Variants in ITGA8 observed in about 807,000 individuals in gnomAD.
ITGA8 encodes the protein integrin subunit alpha 8, also known as integrin alpha-8.
A neutral mutation model predicts 142.3 loss-of-function variants in ITGA8; 91 were observed. The ratio of observed to expected loss-of-function variants is 0.64; its 90% CI spans 0.54 to 0.76. The LOEUF (loss-of-function observed/expected upper bound fraction) is 0.76. Ranked by LOEUF, ITGA8 falls within the 30% of genes least tolerant of loss-of-function variation. ITGA8 has a pLI of 0.00. For synonymous variants in ITGA8, 505 were observed against 485.2 expected, an observed-to-expected ratio of 1.04 and a Z score of -0.54; for missense variants, 1,406 against 1,327.7, an observed-to-expected ratio of 1.06 and a Z score of -0.92.
chr10:15,671,121 A>G (rs1834507484), intron 8 of ITGA8, among the ~76,000 whole-genome samples: 2 of 152,238 alleles, frequency 1.3e-5, no homozygotes, highest in Non-Finnish European at 2.9e-5. Flanking sequence ...AGAAGACAGG[A>G]CAGAAGGGAT....
intron 10 of ITGA8, among the ~76,000 whole-genome samples, 185 bp from the exon 11 acceptor site, chr10:15,655,591 T>C (rs992280466): frequency 3.3e-5 from 5 of 152,168 alleles, no homozygotes; most frequent in Non-Finnish European, 5.9e-5. Context: ...TGAATAATTT[T>C]CCCCATAATA....
At chr10:15,707,834 A>G (rs1835288150) in intron 2 of ITGA8, among the ~76,000 whole-genome samples, 1 of 151,798 alleles carries the variant, frequency 6.6e-6, no homozygotes, top group African/African-American at 2.4e-5. Flanking sequence ...AAAAAAAAAA[A>G]AGGAAAGAAA....
intron 13 of ITGA8, among the ~76,000 whole-genome samples, chr10:15,623,362 T>A (rs1833527673): frequency 6.6e-6 from 1 of 152,064 alleles, no homozygotes; most frequent in Non-Finnish European, 1.5e-5. Flanking sequence ...CTACATGCTG[T>A]TTTTATTCTC....
intron 26 of ITGA8, among the ~76,000 whole-genome samples, chr10:15,553,392 G>C (rs1398336258): frequency 6.7e-6 from 1 of 149,644 alleles, no homozygotes; most frequent in African/African-American, 2.5e-5. Flanking sequence ...AACTGATTGA[G>C]ATTTGCTCAT....
chr10:15,571,507 A>G (rs1564357045), intron 25 of ITGA8, among the ~76,000 whole-genome samples: 1 of 152,258 alleles, frequency 6.6e-6, no homozygotes, highest in East Asian at 1.9e-4. Flanking sequence ...ACAGAAAAAC[A>G]TGAAAGCCAA....
chr10:15,671,522 C>T (rs1834518013), intron 8 of ITGA8, 81 bp downstream of exon 8: 22 of 1,151,468 alleles, frequency 1.9e-5, no homozygotes, highest in Admixed American at 8.7e-5. Flanking sequence ...AATAAAATCA[C>T]ATTGATAGAA....
chr10:15,638,194 T>C (rs1388863905), intron 13 of ITGA8, among the ~76,000 whole-genome samples: 1 of 152,186 alleles, frequency 6.6e-6, no homozygotes, highest in Non-Finnish European at 1.5e-5. Flanking sequence ...AATGAATAAA[T>C]ATAAACCAAA....
intron 25 of ITGA8, among the ~76,000 whole-genome samples, chr10:15,564,141 T>G (rs1834032964): frequency 6.6e-6 from 1 of 152,182 alleles, no homozygotes; most frequent in African/African-American, 2.4e-5. Flanking sequence ...CTCTTTCTTT[T>G]GTGACACAGT....
chr10:15,675,316 G>A (rs937615041), intron 6 of ITGA8, among the ~76,000 whole-genome samples: 6 of 152,108 alleles, frequency 3.9e-5, no homozygotes, highest in African/African-American at 1.4e-4. Context: ...CTCTTCCAGT[G>A]TTCTGTATCT....
At chr10:15,558,892 A>T (rs1184381894) in intron 25 of ITGA8, among the ~76,000 whole-genome samples, 2 of 152,188 alleles carry the variant, frequency 1.3e-5, no homozygotes, top group African/African-American at 4.8e-5. Flanking sequence ...GAGAATTCCA[A>T]TAAATCACAC....
At chr10:15,591,576 T>A (rs188080597) in intron 22 of ITGA8, among the ~76,000 whole-genome samples, 2 of 152,072 alleles carry the variant, frequency 1.3e-5, no homozygotes, top group Non-Finnish European at 2.9e-5. Context: ...ACTACTTTCT[T>A]CAGGTCTTCC....
chr10:15,698,590 T>A (rs1026288931), intron 2 of ITGA8, among the ~76,000 whole-genome samples: 1 of 152,240 alleles, frequency 6.6e-6, no homozygotes, highest in Non-Finnish European at 1.5e-5. Flanking sequence ...TAAAATTTTT[T>A]AATTATAGCC....
At chr10:15,662,248 T>G (rs1315952051) in intron 8 of ITGA8, among the ~76,000 whole-genome samples, 1 of 146,604 alleles carries the variant, frequency 6.8e-6, no homozygotes, top group Non-Finnish European at 1.5e-5. Flanking sequence ...GTCACTCAAC[T>G]ACAAAAAATA....
chr10:15,621,641 G>C (rs550957092), intron 13 of ITGA8, among the ~76,000 whole-genome samples: 3 of 152,098 alleles, frequency 2.0e-5, no homozygotes, highest in Non-Finnish European at 4.4e-5. Flanking sequence ...TGAAGGGAGG[G>C]AGAGTGAACC....
intron 13 of ITGA8, among the ~76,000 whole-genome samples, chr10:15,617,823 C>G (rs1433635456): frequency 2.6e-5 from 4 of 152,148 alleles, no homozygotes; most frequent in Admixed American, 6.6e-5. Context: ...TCCATGGAAC[C>G]AACCTAAGTG....
chr10:15,598,455 C>A (rs867590063), intron 20 of ITGA8, among the ~76,000 whole-genome samples: 6 of 151,944 alleles, frequency 3.9e-5, no homozygotes, highest in Non-Finnish European at 1.5e-5. Context: ...AAGCCCAAAC[C>A]GAAAACCCAA....
intron 23 of ITGA8, among the ~76,000 whole-genome samples, chr10:15,583,701 C>T (rs192430123): frequency 1.1e-3 from 165 of 151,856 alleles, no homozygotes; most frequent in African/African-American, 1.8e-3. Flanking sequence ...GCCAGGGTCT[C>T]GGGGTGGGGA....
chr10:15,522,256 T>C (rs982770058), intron 28 of ITGA8, among the ~76,000 whole-genome samples: 2 of 152,248 alleles, frequency 1.3e-5, no homozygotes, highest in Non-Finnish European at 2.9e-5. Flanking sequence ...TATTTGCATG[T>C]ATACAGCTAC....
rs1010280945 is a variant in ITGA8 at position 15,516,366 on chromosome 10, A to G, written c.*792T>C. 2 of 152,236 alleles carry G rather than the reference A, an allele frequency of 1.3e-5. No individual in the cohort carries two copies. Among genetic ancestry groups the G allele is most frequent in the Non-Finnish European group, 2.9e-5 (2 of 68,034 alleles). 9.4% of individuals were successfully genotyped at this position (152,236 alleles called of 1,614,324 possible). Reference sequence around the variant, plus strand: ...AATTTCAGATGGAAGGCAGCAAGGTATTAAATAGAACTGATTCCTAATGCC... The same window carrying G: ...AATTTCAGATGGAAGGCAGCAAGGTGTTAAATAGAACTGATTCCTAATGCC... On this transcript the variant is annotated 3_prime_UTR_variant, in exon 30 of 30. Transcript: ENST00000378076.
Sources: allele counts gnomAD v4.1 joint callset (sites outside exome capture counted in the v4.1 genomes callset), GRCh38; gene constraint gnomAD v4.1.1; transcripts MANE v1.5; gene names NCBI Gene and HGNC (gene_info 2026-07-23, HGNC 2026-07-21).